Variants in CTNNA3 observed in about 807,000 individuals in gnomAD.
CTNNA3 encodes the protein catenin alpha-3.
Under a neutral mutation model 95.7 loss-of-function variants are expected in CTNNA3, and 76 were observed. The ratio of observed to expected loss-of-function variants is 0.79; its 90% confidence interval spans 0.66 to 0.96. The LOEUF (loss-of-function observed/expected upper bound fraction) is 0.96, where lower values mean the gene tolerates loss of function less well. Ranked by LOEUF, CTNNA3 falls within the 40% of genes least tolerant of loss-of-function variation. The pLI is 0.00. For synonymous variants in CTNNA3, 431 were observed against 374.4 expected (o/e 1.15, Z -1.74); for missense variants, 1,191 against 1,089.8 (o/e 1.09, Z -1.31).
intron 14 of CTNNA3, chr10:66,098,632 G>A (rs1385906966): frequency 2.0e-5 from 3 of 152,064 alleles, no homozygotes; most frequent in Non-Finnish European, 2.9e-5. Context: ...CTTTTAAAAG[G>A]TGTATTTTCA....
chr10:66,507,247 A>G (rs1840481049), intron 11 of CTNNA3, among the ~76,000 whole-genome samples: 1 of 152,040 alleles, frequency 6.6e-6, no homozygotes, highest in South Asian at 2.1e-4. Context: ...TAAGTGAAAC[A>G]TATTTATGGG....
At chr10:67,671,936 C>G (rs1271556630) in intron 1 of CTNNA3, among the ~76,000 whole-genome samples, 4 of 152,118 alleles carry the variant, frequency 2.6e-5, no homozygotes, top group Non-Finnish European at 4.4e-5. Context: ...AATCGCCACA[C>G]TGACTTCCAC....
chr10:66,582,658 G>A (rs1462745569), intron 10 of CTNNA3, among the ~76,000 whole-genome samples: 4 of 151,804 alleles, frequency 2.6e-5, no homozygotes, highest in Non-Finnish European at 4.4e-5. Context: ...GCTCTGGCTA[G>A]GATTCCCTGT....
At chr10:66,429,783 C>T (rs954985164) in intron 11 of CTNNA3, among the ~76,000 whole-genome samples, 3 of 152,056 alleles carry the variant, frequency 2.0e-5, no homozygotes, top group African/African-American at 7.2e-5. Context: ...ATGACAAACC[C>T]ACAACCAATA....
chr10:66,708,916 T>A (rs1848205808), intron 9 of CTNNA3, among the ~76,000 whole-genome samples: 2 of 152,124 alleles, frequency 1.3e-5, no homozygotes, highest in African/African-American at 4.8e-5. Context: ...CAACCGTTTT[T>A]TCTTTTCCAT....
chr10:67,402,380 T>C (rs2132810967), intron 5 of CTNNA3, among the ~76,000 whole-genome samples: 1 of 152,006 alleles, frequency 6.6e-6, no homozygotes, highest in African/African-American at 2.4e-5. Flanking sequence ...ATTAACACAG[T>C]CAGACAAAAA....
At chr10:66,766,594 G>C (rs1400256274) in intron 8 of CTNNA3, among the ~76,000 whole-genome samples, 178 bp from the exon 9 acceptor site, 1 of 151,696 alleles carries the variant, frequency 6.6e-6, no homozygotes, top group Non-Finnish European at 1.5e-5. Flanking sequence ...AAAATATCCA[G>C]GCAAAAAGAA....
chr10:66,374,683 C>T (rs2092781785), intron 12 of CTNNA3, among the ~76,000 whole-genome samples: 1 of 137,978 alleles, frequency 7.2e-6, no homozygotes, highest in South Asian at 2.4e-4. Flanking sequence ...GGCAGGATCT[C>T]AGCTCACTGC....
intron 12 of CTNNA3, among the ~76,000 whole-genome samples, chr10:66,351,853 T>C (rs949167802): frequency 3.9e-5 from 6 of 152,030 alleles, no homozygotes; most frequent in African/African-American, 1.2e-4. Context: ...TGAATTATTT[T>C]ATAGTACAAA....
intron 4 of CTNNA3, 104 bp downstream of exon 4, chr10:67,539,399 G>A (rs1351776069): frequency 1.6e-6 from 2 of 1,240,242 alleles, no homozygotes; most frequent in Middle Eastern, 2.1e-4. Flanking sequence ...GTGATGTTAA[G>A]AAATGAGAGT....
At chr10:66,043,070 A>G (rs1411729797) in intron 15 of CTNNA3, among the ~76,000 whole-genome samples, 1 of 151,048 alleles carries the variant, frequency 6.6e-6, no homozygotes, top group Non-Finnish European at 1.5e-5. Context: ...AAAATAAAAC[A>G]GAAGGTGTGT....
At chr10:67,200,295 G>T (rs962869410) in intron 6 of CTNNA3, among the ~76,000 whole-genome samples, 4 of 152,032 alleles carry the variant, frequency 2.6e-5, no homozygotes, top group African/African-American at 9.7e-5. Flanking sequence ...TTCAAAATAT[G>T]CTCAGGAATG....
chr10:67,700,979 G>A (rs564782609), upstream of CTNNA3, among the ~76,000 whole-genome samples: 37 of 152,318 alleles, frequency 2.4e-4, no homozygotes, highest in East Asian at 5.0e-3. Context: ...CGTGAAGAAC[G>A]CAGAAGCCTC....
chr10:66,954,968 GA>G, intron 7 of CTNNA3, among the ~76,000 whole-genome samples: 1 of 152,232 alleles, frequency 6.6e-6, no homozygotes, highest in South Asian at 2.1e-4. Context: ...TCTCAATTAG[GA>G]AAAGTACCAA....
intron 7 of CTNNA3, among the ~76,000 whole-genome samples, chr10:66,950,678 T>C (rs574838000): frequency 7.9e-5 from 12 of 152,300 alleles, no homozygotes; most frequent in Middle Eastern, 3.4e-3. Context: ...AGCATCATCC[T>C]ATGAAGTATA....
chr10:66,160,309 C>T (rs1255690375), intron 13 of CTNNA3, among the ~76,000 whole-genome samples: 1 of 151,808 alleles, frequency 6.6e-6, no homozygotes, highest in Non-Finnish European at 1.5e-5. Flanking sequence ...TTGATGTAGG[C>T]GTTTAGGGCT....
intron 12 of CTNNA3, among the ~76,000 whole-genome samples, chr10:66,326,140 A>G (rs2092250884): frequency 1.3e-5 from 2 of 152,162 alleles, no homozygotes; most frequent in African/African-American, 4.8e-5. Flanking sequence ...TTGGGTGTAA[A>G]TGACTACATT....
chr10:66,324,393 C>T (rs992877197), intron 12 of CTNNA3, among the ~76,000 whole-genome samples: 1 of 152,182 alleles, frequency 6.6e-6, no homozygotes, highest in Admixed American at 6.5e-5. Context: ...TCTTCCAGGA[C>T]AGTGGGCAAG....
chr10:66,443,491 C>T (rs530774761), intron 11 of CTNNA3, among the ~76,000 whole-genome samples: 10 of 152,148 alleles, frequency 6.6e-5, no homozygotes, highest in Middle Eastern at 3.4e-3. Context: ...GCAGCATTTG[C>T]GGGTCACCAA....
Sources: allele counts gnomAD v4.1 joint callset (sites outside exome capture counted in the v4.1 genomes callset), GRCh38; gene constraint gnomAD v4.1.1; transcripts MANE v1.5; gene names NCBI Gene and HGNC (gene_info 2026-07-23, HGNC 2026-07-21).